Variants in RAB40B observed in about 807,000 individuals in gnomAD.
RAB40B encodes ras-related protein Rab-40B.
In RAB40B, 21 loss-of-function variants were observed where a neutral mutation model predicts 24.0. The observed-to-expected ratio is 0.88, with a 90% confidence interval of 0.62 to 1.26. The LOEUF (loss-of-function observed/expected upper bound fraction) is 1.26, where lower values mean the gene tolerates loss of function less well. Among genes scored for constraint, RAB40B ranks in the 50% most tolerant of loss-of-function variants. RAB40B has a pLI of 0.00. For missense variants in RAB40B, 348 were observed against 390.5 expected, an observed-to-expected ratio of 0.89 and a Z score of 0.92; for synonymous variants, 167 against 169.8, an observed-to-expected ratio of 0.98 and a Z score of 0.13.
chr17:82,659,350 C>T (rs928176409), intron 4 of RAB40B: 2 of 545,982 alleles, frequency 3.7e-6, no homozygotes, highest in African/African-American at 1.9e-5. Context: ...GCCGTGGACG[C>T]TCGTTTCGTC....
At chr17:82,674,648 A>AAAAAGAAAAG (rs1215199420) in intron 1 of RAB40B, among the ~76,000 whole-genome samples, 1 of 151,524 alleles carries the variant, frequency 6.6e-6, no homozygotes, top group African/African-American at 2.4e-5. Context: ...AAAAAAAAAA[A>AAAAAGAAAAG]AAAAGAAAAG....
chr17:82,663,887 T>C lies in RAB40B; in HGVS notation c.203+609A>G, dbSNP rs930348757. 1.3e-5 allele frequency among the ~76,000 whole-genome samples: 2 copies of C among 152,148 alleles called. No homozygotes were observed. The highest frequency in any genetic ancestry group is 2.9e-5 in the Non-Finnish European group (2 of 68,020). On this transcript the variant is annotated intron_variant, in intron 2 of 5. Coordinates refer to ENST00000571995, the MANE Select transcript of RAB40B (RefSeq NM_006822.3). This position sits in a 1 kb window ranked among gnomAD's most constrained non-coding sequence, Gnocchi z 6.2. ...ATGTCCGTTCTGGGGTCCCCTACTC[T>C]GGATGACGGGGGCCCAGACAACCGG...
At chr17:82,685,806 C>CT (rs36094405) in intron 1 of RAB40B, among the ~76,000 whole-genome samples, 47 of 136,958 alleles carry the variant, frequency 3.4e-4, no homozygotes, top group Middle Eastern at 3.6e-3. Context: ...TCTTCTTCTT[C>CT]TTTTTTTTTT....
rs66478872 is a variant in RAB40B, at chr17:82,655,950, C to CT, written c.*1912dup. The CT allele has an allele frequency of 8.0e-3, 1,070 of 133,046 alleles. 18 individuals carry two copies. Among genetic ancestry groups the CT allele is most frequent in the African/African-American group, 0.024 (876 of 36,036 alleles). 8.2% of individuals were successfully genotyped at this position (133,046 alleles called of 1,614,324 possible). On this transcript the variant is annotated 3_prime_UTR_variant, in exon 6 of 6. Coordinates refer to ENST00000571995, the MANE Select transcript of RAB40B (RefSeq NM_006822.3). ...CCTGATTCTAGGGTCCCTTAAATTT[C>CT]TTTTTTTTTTTTTTTTTTAGATGGA...
chr17:82,685,061 C>T (rs1157769975), intron 1 of RAB40B, among the ~76,000 whole-genome samples: 2 of 150,166 alleles, frequency 1.3e-5, no homozygotes, highest in South Asian at 2.1e-4. Flanking sequence ...TGCAGTGAGC[C>T]GAGATCATAC....
In RAB40B at chr17:82,698,482, C is replaced by T. The variant is rs2046636635; in HGVS notation, c.115G>A (p.Ala39Thr). ...EILASLQDGA[A>T]ESPYGHPAGI... ...GCCGGGTGGCCGTACGGGGACTCGG[C>T]CGCGCCATCCTGCAGGCTCGCCAGG... Residue 39 changes from alanine (A) to threonine (T), a missense_variant, in exon 1 of 6, where the codon GCC (alanine) becomes ACC (threonine). Physicochemically the swap from Ala to Thr is moderately conservative, Grantham distance 58. This residue lies in a region of RAB40B where 101 missense variants were observed against 85.5 expected (regional missense o/e 1.18). Transcript: ENST00000571995. 3.3e-6 allele frequency: 5 copies of T among 1,494,652 alleles called. No individual in the cohort carries two copies. Among genetic ancestry groups the T allele is most frequent in the African/African-American group, 2.9e-5 (2 of 68,624 alleles). The allele number at this position is 1,494,652 out of a possible 1,614,324, so 92.6% of individuals were successfully genotyped here. A position where few individuals can be genotyped will look rare whatever the true frequency, so the allele number is the denominator to read the frequency against.
intron 1 of RAB40B, among the ~76,000 whole-genome samples, chr17:82,676,531 C>A (rs1179395456): frequency 6.6e-6 from 1 of 151,986 alleles, no homozygotes; most frequent in African/African-American, 2.4e-5. Context: ...CCAGCCACCC[C>A]TACAAAGCAC....
At chr17:82,681,940 C>T (rs538393682) in intron 1 of RAB40B, among the ~76,000 whole-genome samples, 47 of 152,206 alleles carry the variant, frequency 3.1e-4, no homozygotes, top group African/African-American at 7.5e-4. Flanking sequence ...AAAAACAGAA[C>T]GCTTTCCCCA....
chr17:82,670,686 C>G (rs919900573), intron 1 of RAB40B, among the ~76,000 whole-genome samples: 1 of 152,032 alleles, frequency 6.6e-6, no homozygotes, highest in Admixed American at 6.6e-5. Context: ...AGGCGCCCAC[C>G]ACCACGCCCG....
chr17:82,666,511 C>T (rs770808978), intron 1 of RAB40B, among the ~76,000 whole-genome samples: 11 of 152,150 alleles, frequency 7.2e-5, no homozygotes, highest in South Asian at 6.2e-4. Context: ...TCCCAAAGTG[C>T]TGGGATTACA....
chr17:82,694,249 G>T (rs2046586600), intron 1 of RAB40B, among the ~76,000 whole-genome samples: 1 of 151,364 alleles, frequency 6.6e-6, no homozygotes, highest in Non-Finnish European at 1.5e-5. Context: ...AAAAATTCAG[G>T]CCGCGCACTG....
At chr17:82,664,382 G>A (rs542090860) in intron 2 of RAB40B, 114 bp downstream of exon 2, 82 of 1,040,586 alleles carry the variant, frequency 7.9e-5, no homozygotes, top group East Asian at 3.2e-4. Context: ...GCGCTGTGCC[G>A]ATGGTGGTGG....
chr17:82,669,817 G>A (rs1401454406), intron 1 of RAB40B, among the ~76,000 whole-genome samples: 2 of 152,308 alleles, frequency 1.3e-5, no homozygotes, highest in East Asian at 3.9e-4. Context: ...TCTCGGGAAG[G>A]CACCATCATG....
At chr17:82,670,373 C>G (rs1317160714) in intron 1 of RAB40B, among the ~76,000 whole-genome samples, 1 of 151,824 alleles carries the variant, frequency 6.6e-6, no homozygotes, top group Non-Finnish European at 1.5e-5. Context: ...TTAGTAGACA[C>G]GGGGTTTTAC....
chr17:82,686,181 A>G (rs948762173), intron 1 of RAB40B, among the ~76,000 whole-genome samples: 1 of 146,908 alleles, frequency 6.8e-6, no homozygotes, highest in Non-Finnish European at 1.5e-5. Flanking sequence ...GCACGATCTC[A>G]GCTCACTGAA....
intron 1 of RAB40B, among the ~76,000 whole-genome samples, chr17:82,666,099 C>A (rs568441862): frequency 6.6e-6 from 1 of 151,534 alleles, no homozygotes; most frequent in East Asian, 1.9e-4. Context: ...ACCGCACCTG[C>A]CACCACACCT....
chr17:82,670,309 C>G (rs866333514), intron 1 of RAB40B, among the ~76,000 whole-genome samples: 5 of 151,274 alleles, frequency 3.3e-5, no homozygotes, highest in Non-Finnish European at 2.9e-5. Flanking sequence ...CTCAGCGTCC[C>G]GTGTAGCTGG....
intron 1 of RAB40B, among the ~76,000 whole-genome samples, chr17:82,676,853 T>C (rs2046399457): frequency 6.6e-6 from 1 of 152,112 alleles, no homozygotes; most frequent in Non-Finnish European, 1.5e-5. Context: ...CTCGAACTCC[T>C]GACCTCAGGT....
chr17:82,694,751 C>T (rs2046591837), intron 1 of RAB40B, among the ~76,000 whole-genome samples: 1 of 151,684 alleles, frequency 6.6e-6, no homozygotes, highest in African/African-American at 2.4e-5. Flanking sequence ...TTCCCCACAG[C>T]ACATGTGAGC....
Sources: gnomAD v4.1 joint callset for allele counts (sites outside exome capture counted in the v4.1 genomes callset) on GRCh38, gnomAD v4.1.1 for gene constraint, gnomAD v4.1.1 regional missense constraint, Gnocchi (gnomAD v3.1) non-coding constraint, MANE v1.5 for transcripts, NCBI Gene and HGNC (gene_info 2026-07-23, HGNC 2026-07-21) for gene names.